Variants in TRPC4 observed in about 807,000 individuals in gnomAD.
TRPC4 encodes short transient receptor potential channel 4.
In TRPC4, 49 loss-of-function variants were observed where a neutral mutation model predicts 99.4. The observed-to-expected ratio is 0.49, with a 90% confidence interval of 0.39 to 0.63. TRPC4 has a LOEUF of 0.63. Among genes scored for constraint, TRPC4 ranks in the 20% least tolerant of loss-of-function variants. The pLI is 0.00. For missense variants in TRPC4, 898 were observed against 1,152.9 expected (o/e 0.78, Z 3.20); for synonymous variants, 454 against 425.9 (o/e 1.07, Z -0.81).
intron 3 of TRPC4, among the ~76,000 whole-genome samples, chr13:37,738,095 T>C (rs1480880574): frequency 6.6e-6 from 1 of 152,140 alleles, no homozygotes; most frequent in Non-Finnish European, 1.5e-5. Flanking sequence ...GGATATTGAT[T>C]TCCTACCAGA....
intron 5 of TRPC4, among the ~76,000 whole-genome samples, chr13:37,673,064 G>A (rs563242963): frequency 1.3e-5 from 2 of 151,606 alleles, no homozygotes; most frequent in Admixed American, 1.3e-4. Context: ...TCATTTACAT[G>A]AGGTATATCT....
chr13:37,651,599 A>G, intron 7 of TRPC4, 140 bp from the exon 8 acceptor site: 5 of 718,598 alleles, frequency 7.0e-6, no homozygotes, highest in Non-Finnish European at 1.1e-5. Flanking sequence ...ACTGACTCCC[A>G]GAGACAGTCA....
At chr13:37,686,147 T>G (rs949921462) in intron 4 of TRPC4, among the ~76,000 whole-genome samples, 20 of 152,156 alleles carry the variant, frequency 1.3e-4, no homozygotes, top group Admixed American at 3.9e-4. Flanking sequence ...GAGAATATTG[T>G]TTGGAGCTGC....
chr13:37,779,863 C>T (rs919284132), intron 2 of TRPC4, among the ~76,000 whole-genome samples: 5 of 151,982 alleles, frequency 3.3e-5, no homozygotes, highest in African/African-American at 1.2e-4. Flanking sequence ...ACATTCTTCC[C>T]CTTTTTCCTT....
intron 1 of TRPC4, among the ~76,000 whole-genome samples, chr13:37,860,341 C>A (rs930457404): frequency 1.3e-5 from 2 of 151,084 alleles, no homozygotes; most frequent in African/African-American, 2.4e-5. Context: ...TCAAACCCAC[C>A]ACGAATCATG....
At chr13:37,856,305 T>C (rs7490678) in intron 1 of TRPC4, among the ~76,000 whole-genome samples, 147,569 of 150,896 alleles carry the variant, frequency 0.98, 72,199 homozygotes, top group East Asian at 1. Flanking sequence ...TATAACCTAC[T>C]AAAATTGAAC....
intron 2 of TRPC4, among the ~76,000 whole-genome samples, chr13:37,778,484 G>A (rs1593720587): frequency 6.6e-6 from 1 of 151,790 alleles, no homozygotes; most frequent in African/African-American, 2.4e-5. Flanking sequence ...CTATATCAAG[G>A]TTGGTTGCTA....
chr13:37,658,449 T>A (rs1372841710), intron 6 of TRPC4, among the ~76,000 whole-genome samples: 4 of 152,144 alleles, frequency 2.6e-5, no homozygotes, highest in Non-Finnish European at 4.4e-5. Flanking sequence ...TTGTTGAAAT[T>A]TTCCTCTATC....
intron 3 of TRPC4, among the ~76,000 whole-genome samples, chr13:37,711,851 TA>T (rs1433787743): frequency 8.5e-5 from 13 of 152,172 alleles, no homozygotes; most frequent in African/African-American, 3.1e-4. Context: ...TAGAAATAGG[TA>T]AAATTAATTT....
chr13:37,648,598 G>C (rs970858661), intron 8 of TRPC4, among the ~76,000 whole-genome samples: 2 of 151,576 alleles, frequency 1.3e-5, no homozygotes, highest in African/African-American at 4.8e-5. Flanking sequence ...AAATTACCTT[G>C]CTGTGCATCA....
intron 1 of TRPC4, among the ~76,000 whole-genome samples, chr13:37,822,387 C>T (rs958187433): frequency 3.3e-5 from 5 of 151,928 alleles, no homozygotes; most frequent in African/African-American, 9.7e-5. Flanking sequence ...AACTCGTCAT[C>T]TAGCATTAGG....
intron 2 of TRPC4, among the ~76,000 whole-genome samples, chr13:37,765,975 A>C (rs561998244): frequency 6.6e-6 from 1 of 150,794 alleles, no homozygotes; most frequent in African/African-American, 2.4e-5. Flanking sequence ...AAGATGAATC[A>C]TTTTTTTTCC....
At chr13:37,827,463 T>G (rs1379364637) in intron 1 of TRPC4, among the ~76,000 whole-genome samples, 1 of 152,190 alleles carries the variant, frequency 6.6e-6, no homozygotes, top group Non-Finnish European at 1.5e-5. Flanking sequence ...GTGGGTGTCC[T>G]TTCTGTTTGT....
At chr13:37,639,387 T>C in intron 8 of TRPC4, 88 bp from the exon 9 acceptor site, 1 of 1,382,526 alleles carries the variant, frequency 7.2e-7, no homozygotes, top group Non-Finnish European at 9.9e-7. Flanking sequence ...ATAATGTTTT[T>C]ATTCTTATTT....
intron 2 of TRPC4, among the ~76,000 whole-genome samples, chr13:37,765,671 T>C (rs534180320): frequency 6.6e-6 from 1 of 151,480 alleles, no homozygotes; most frequent in African/African-American, 2.4e-5. Context: ...TGGTTTTCCT[T>C]TCACTAAACA....
chr13:37,709,187 G>T (rs140281839), intron 3 of TRPC4, among the ~76,000 whole-genome samples: 2 of 151,730 alleles, frequency 1.3e-5, no homozygotes, highest in South Asian at 4.2e-4. Flanking sequence ...AAAATAGTCT[G>T]GTATTTAGAC....
At chr13:37,650,337 T>C (rs9576329) in intron 8 of TRPC4, among the ~76,000 whole-genome samples, 56,902 of 152,092 alleles carry the variant, frequency 0.37, 11,133 homozygotes, top group African/African-American at 0.45. Context: ...AATATGAGTG[T>C]TAATTTCCAA....
Position 37,796,763 on chromosome 13 carries a change from T to C in TRPC4, c.-27-13403A>G, listed in dbSNP as rs543029781. On this transcript the variant is annotated intron_variant, in intron 1 of 10. Coordinates refer to ENST00000379705, the MANE Select transcript of TRPC4 (RefSeq NM_016179.4). ...TGGCTCTCCTCCTCATTAAGGAATATTTCCAGGCTCATAATTGTCTGCTCA... is the reference window on the plus strand; with the variant it reads ...TGGCTCTCCTCCTCATTAAGGAATACTTCCAGGCTCATAATTGTCTGCTCA... Among the ~76,000 whole-genome samples the C allele has an allele frequency of 4.6e-5, 7 of 151,792 alleles. No individual in the cohort carries two copies. The East Asian group carries it at 1.4e-3, about 29-fold the overall frequency.
At chr13:37,849,405 A>G (rs1958997625) in intron 1 of TRPC4, among the ~76,000 whole-genome samples, 1 of 152,170 alleles carries the variant, frequency 6.6e-6, no homozygotes, top group Non-Finnish European at 1.5e-5. Flanking sequence ...TGACCATGCA[A>G]TAAACTCCTT....
Sources: allele counts gnomAD v4.1 joint callset (sites outside exome capture counted in the v4.1 genomes callset), GRCh38; gene constraint gnomAD v4.1.1; transcripts MANE v1.5; gene names NCBI Gene and HGNC (gene_info 2026-07-23, HGNC 2026-07-21).